The following UNC13C variants were observed in gnomAD, a reference collection of about 807,000 sequenced individuals.
UNC13C encodes protein unc-13 homolog C.
UNC13C carries 174 observed loss-of-function variants against 245.4 expected under a neutral mutation model. The ratio of observed to expected loss-of-function variants is 0.71; its 90% CI spans 0.63 to 0.80. The LOEUF (loss-of-function observed/expected upper bound fraction) is 0.80, where lower values mean the gene tolerates loss of function less well. UNC13C is among the 30% of genes least tolerant of loss of function. The probability of loss-of-function intolerance (pLI) is 0.00; values close to 1 mark genes in which losing one functional copy is unlikely to be tolerated. For missense variants in UNC13C, 2,829 were observed against 2,602.9 expected (o/e 1.09, Z -1.89); for synonymous variants, 992 against 895.1 (o/e 1.11, Z -1.93).
intron 4 of UNC13C, among the ~76,000 whole-genome samples, chr15:54,159,779 G>T (rs10851558): frequency 0.92 from 140,668 of 152,198 alleles, 65,956 homozygotes; most frequent in Non-Finnish European, 1. Context: ...CATGAGGGTT[G>T]TGCCTATATT....
intron 2 of UNC13C, among the ~76,000 whole-genome samples, chr15:54,019,767 C>T (rs1895814049): frequency 6.6e-6 from 1 of 152,124 alleles, no homozygotes; most frequent in African/African-American, 2.4e-5. Flanking sequence ...ATTAAAATTT[C>T]CTAAGGTAGA....
intron 29 of UNC13C, among the ~76,000 whole-genome samples, chr15:54,561,925 T>G (rs547227980): frequency 1.3e-5 from 2 of 151,962 alleles, no homozygotes; most frequent in East Asian, 3.9e-4. Flanking sequence ...TTGTTGGAAC[T>G]TGGCAACTGA....
chr15:54,228,699 C>A (rs568346648), intron 4 of UNC13C, among the ~76,000 whole-genome samples: 1 of 152,138 alleles, frequency 6.6e-6, no homozygotes, highest in Admixed American at 6.5e-5. Context: ...ATTCCTTATT[C>A]TGCTATGGCT....
chr15:54,594,302 C>A (rs1049181576), intron 30 of UNC13C, among the ~76,000 whole-genome samples: 1 of 152,076 alleles, frequency 6.6e-6, no homozygotes, highest in Non-Finnish European at 1.5e-5. Context: ...GCGGGTTGAC[C>A]TCCTGCCAGG....
chr15:54,624,085 T>C (rs1341694143), intron 32 of UNC13C, 131 bp downstream of exon 32: 3 of 1,128,362 alleles, frequency 2.7e-6, no homozygotes, highest in South Asian at 1.5e-5. Flanking sequence ...CTTCCATTCA[T>C]TCAATATCTG....
intron 26 of UNC13C, among the ~76,000 whole-genome samples, chr15:54,540,746 A>G (rs57446022): frequency 0.045 from 6,820 of 152,114 alleles, 480 homozygotes; most frequent in African/African-American, 0.15. Context: ...TTTTTAACTA[A>G]AAGAAATCCT....
chr15:53,998,795 T>G (rs1269376350), intron 1 of UNC13C, among the ~76,000 whole-genome samples: 1 of 152,126 alleles, frequency 6.6e-6, no homozygotes, highest in Non-Finnish European at 1.5e-5. Flanking sequence ...CTAAGAAATG[T>G]TTTATGGCAT....
chr15:54,544,576 G>A (rs1296502542), intron 26 of UNC13C, among the ~76,000 whole-genome samples: 1 of 152,158 alleles, frequency 6.6e-6, no homozygotes, highest in East Asian at 1.9e-4. Flanking sequence ...ATCTCCTGAA[G>A]CTGATAAGAA....
chr15:54,467,850 A>G (rs1892263160), intron 19 of UNC13C, among the ~76,000 whole-genome samples: 1 of 151,700 alleles, frequency 6.6e-6, no homozygotes, highest in South Asian at 2.1e-4. Context: ...ATGTTTTTAA[A>G]TCCATTCATT....
At chr15:54,045,207 A>G (rs1896982606) in intron 2 of UNC13C, among the ~76,000 whole-genome samples, 2 of 151,872 alleles carry the variant, frequency 1.3e-5, no homozygotes, top group African/African-American at 2.4e-5. Flanking sequence ...TAGTTTTCAG[A>G]TTTGTTTTGA....
At chr15:54,154,264 A>ATCTGTAGAT (rs60622945) in intron 4 of UNC13C, among the ~76,000 whole-genome samples, 6,876 of 152,034 alleles carry the variant, frequency 0.045, 512 homozygotes, top group African/African-American at 0.15. Flanking sequence ...GTTGCATTGA[A>ATCTGTAGAT]TCTGTAGATT....
At chr15:54,383,640 A>G (rs1156416398) in intron 17 of UNC13C, among the ~76,000 whole-genome samples, 2 of 152,152 alleles carry the variant, frequency 1.3e-5, no homozygotes, top group Non-Finnish European at 2.9e-5. Context: ...CACCACTCCT[A>G]TGCAACATGG....
At chr15:54,443,734 T>C (rs970766936) in intron 19 of UNC13C, among the ~76,000 whole-genome samples, 1 of 152,072 alleles carries the variant, frequency 6.6e-6, no homozygotes, top group African/African-American at 2.4e-5. Flanking sequence ...CTCTTTGTAT[T>C]GATTTCTAAT....
intron 4 of UNC13C, among the ~76,000 whole-genome samples, chr15:54,217,207 A>T (rs983630421): frequency 7.9e-5 from 12 of 151,538 alleles, no homozygotes; most frequent in Admixed American, 7.9e-4. Context: ...TCATAGAAAA[A>T]TGAACTTGGT....
chr15:54,620,167 G>C (rs771153519), intron 30 of UNC13C, among the ~76,000 whole-genome samples: 3 of 152,086 alleles, frequency 2.0e-5, no homozygotes, highest in Non-Finnish European at 4.4e-5. Context: ...CCACCCAGGA[G>C]GTTTCAGAAA....
At chr15:54,074,326 T>C (rs1486708238) in intron 2 of UNC13C, among the ~76,000 whole-genome samples, 1 of 152,212 alleles carries the variant, frequency 6.6e-6, no homozygotes, top group Non-Finnish European at 1.5e-5. Context: ...CCTCTAGCTT[T>C]GTTCTTTTTG....
intron 4 of UNC13C, among the ~76,000 whole-genome samples, chr15:54,226,962 G>A (rs1397862608): frequency 6.6e-6 from 1 of 152,204 alleles, no homozygotes; most frequent in African/African-American, 2.4e-5. Flanking sequence ...CCACAGCGTG[G>A]CAAGCAGGGA....
chr15:54,139,342 G>C (rs188795445), intron 2 of UNC13C, among the ~76,000 whole-genome samples: 3 of 151,890 alleles, frequency 2.0e-5, no homozygotes, highest in African/African-American at 7.3e-5. Context: ...AACTAGTTCC[G>C]TCTGCAGTGG....
chr15:53,906,970 T>C, the UNC13C span, among the ~76,000 whole-genome samples: 3 of 147,108 alleles, frequency 2.0e-5, no homozygotes, highest in African/African-American at 7.4e-5. Flanking sequence ...GGAACCACCC[T>C]CATAATCCAA....
Sources: gnomAD v4.1 joint callset for allele counts (sites outside exome capture counted in the v4.1 genomes callset) on GRCh38, gnomAD v4.1.1 for gene constraint, MANE v1.5 for transcripts, NCBI Gene and HGNC (gene_info 2026-07-23, HGNC 2026-07-21) for gene names.